The following LRP6 variants were observed in gnomAD, a reference collection of about 807,000 sequenced individuals.
The protein encoded by LRP6 is LDL receptor related protein 6, also known as low-density lipoprotein receptor-related protein 6.
In LRP6, 43 loss-of-function variants were observed where a neutral mutation model predicts 184.1. That is an observed-to-expected ratio of 0.23 (90% confidence interval 0.18 to 0.30). The LOEUF (loss-of-function observed/expected upper bound fraction) is 0.30, where lower values mean the gene tolerates loss of function less well. Among genes scored for constraint, LRP6 ranks in the 10% least tolerant of loss-of-function variants. The pLI is 1.00. For missense variants in LRP6, 1,571 were observed against 2,005.3 expected (o/e 0.78, Z 4.14); for synonymous variants, 719 against 684.9 (o/e 1.05, Z -0.78).
intron 10 of LRP6, among the ~76,000 whole-genome samples, chr12:12,160,608 G>A (rs1268059031): frequency 6.6e-6 from 1 of 152,172 alleles, no homozygotes; most frequent in Non-Finnish European, 1.5e-5. Context: ...AACAATCTCT[G>A]TGAAATTTTA....
At chr12:12,178,639 T>G (rs1271912851) in intron 7 of LRP6, among the ~76,000 whole-genome samples, 4 of 152,178 alleles carry the variant, frequency 2.6e-5, no homozygotes, top group African/African-American at 9.7e-5. Flanking sequence ...ATAACCTTTG[T>G]CTCATCAGCA....
chr12:12,203,621 T>G (rs1863973349), intron 2 of LRP6, among the ~76,000 whole-genome samples: 1 of 151,982 alleles, frequency 6.6e-6, no homozygotes, highest in Non-Finnish European at 1.5e-5. Flanking sequence ...AAAAATTAGC[T>G]GGGCATGGTG....
chr12:12,266,871 G>A lies in LRP6; in HGVS notation c.-136C>T. The A allele has an allele frequency of 1.3e-6, 1 of 797,482 alleles. No individual in the cohort carries two copies. Among genetic ancestry groups the A allele is most frequent in the Non-Finnish European group, 2.1e-6 (1 of 467,728 alleles). 49.4% of individuals were successfully genotyped at this position (797,482 alleles called of 1,614,324 possible). The stretch of plus-strand genomic sequence containing the variant: ...GCTTCCCAGCGAGAGAAGAAAGAAA[G>A]GGGCACGTCAAGGTTCCGCGCGCGC... On this transcript the variant is annotated 5_prime_UTR_variant, in exon 1 of 23. Coordinates refer to ENST00000261349, the MANE Select transcript of LRP6 (RefSeq NM_002336.3).
chr12:12,186,298 G>A (rs541491588), intron 4 of LRP6, among the ~76,000 whole-genome samples: 17 of 152,158 alleles, frequency 1.1e-4, no homozygotes, highest in Non-Finnish European at 2.2e-4. Context: ...CTCTAAAAGC[G>A]CTGACTCAAA....
chr12:12,221,001 C>A (rs1864472096), intron 2 of LRP6, among the ~76,000 whole-genome samples: 1 of 152,196 alleles, frequency 6.6e-6, no homozygotes, highest in Admixed American at 6.5e-5. Context: ...TATCTTACAA[C>A]TCCCTACCTT....
At chr12:12,154,718 C>G (rs894480469) in intron 12 of LRP6, among the ~76,000 whole-genome samples, 18 of 151,856 alleles carry the variant, frequency 1.2e-4, no homozygotes, top group African/African-American at 4.4e-4. Flanking sequence ...GGGAAAAAAG[C>G]CAGAAAGAAG....
chr12:12,184,881 G>GA (rs1303912941), intron 4 of LRP6, among the ~76,000 whole-genome samples: 2 of 151,914 alleles, frequency 1.3e-5, no homozygotes, highest in Non-Finnish European at 2.9e-5. Context: ...AATACTCATA[G>GA]AAAAAAATCA....
At chr12:12,262,324 A>C (rs144716119) in intron 1 of LRP6, among the ~76,000 whole-genome samples, 2,210 of 152,292 alleles carry the variant, frequency 0.015, 14 homozygotes, top group Non-Finnish European at 0.017. Flanking sequence ...GGTTGCAGTG[A>C]GCTGAGATCA....
At chr12:12,235,742 GAAAAAGA>G (rs970958166) in intron 2 of LRP6, among the ~76,000 whole-genome samples, 6 of 150,218 alleles carry the variant, frequency 4.0e-5, no homozygotes, top group Non-Finnish European at 7.4e-5. Flanking sequence ...AAAAAAAAAA[GAAAAAGA>G]AAAAAGAAAA....
intron 2 of LRP6, among the ~76,000 whole-genome samples, chr12:12,220,536 T>A (rs1864459697): frequency 6.6e-6 from 1 of 152,102 alleles, no homozygotes; most frequent in Admixed American, 6.6e-5. Flanking sequence ...CAAAGCCATT[T>A]ATGATTAAAG....
intron 7 of LRP6, among the ~76,000 whole-genome samples, chr12:12,178,981 G>A (rs899974737): frequency 6.6e-6 from 1 of 152,144 alleles, no homozygotes; most frequent in African/African-American, 2.4e-5. Context: ...TCTCTCTGAA[G>A]AGCCATTTAA....
intron 10 of LRP6, among the ~76,000 whole-genome samples, chr12:12,161,846 C>T (rs1372336749): frequency 6.6e-6 from 1 of 151,860 alleles, no homozygotes. Flanking sequence ...GGGTTTACTT[C>T]AATAGGCTTG....
At chr12:12,169,780 C>T (rs140390344) in intron 7 of LRP6, among the ~76,000 whole-genome samples, 12 of 152,226 alleles carry the variant, frequency 7.9e-5, no homozygotes, top group South Asian at 2.1e-4. Context: ...TTGGTAATGA[C>T]GTAAATACAA....
chr12:12,135,069 A>T, intron 17 of LRP6, 106 bp downstream of exon 17: 5 of 1,514,050 alleles, frequency 3.3e-6, no homozygotes, highest in Non-Finnish European at 4.6e-6. Context: ...GCAACCAATT[A>T]AGTTAGTAGA....
intron 2 of LRP6, among the ~76,000 whole-genome samples, chr12:12,242,717 T>C (rs1865097303): frequency 6.6e-6 from 1 of 152,250 alleles, no homozygotes; most frequent in South Asian, 2.1e-4. Flanking sequence ...TCCTGGTGCT[T>C]TAAGAGCACC....
intron 17 of LRP6, among the ~76,000 whole-genome samples, chr12:12,134,782 C>A (rs530715034): frequency 6.6e-6 from 1 of 152,216 alleles, no homozygotes; most frequent in African/African-American, 2.4e-5. Context: ...GAAGCATACT[C>A]ATTCACAGGC....
rs1439191943 is a variant in LRP6, at chr12:12,135,320, G to A, written c.3608-20C>T. 6.2e-7 allele frequency: 1 copy of A among 1,604,100 alleles called. No homozygotes were observed. Among genetic ancestry groups the A allele is most frequent in the African/African-American group, 1.3e-5 (1 of 74,722 alleles). ...GCTGTCCTGCAAAGAGAAGAGGTGA[G>A]GATGGGGAGAGGAGGGGGAGTGGAG... On this transcript the variant is annotated intron_variant, in intron 16 of 22. Transcript: ENST00000261349.
At chr12:12,158,805 G>T in intron 12 of LRP6, 24 bp downstream of exon 12, 1 of 1,607,374 alleles carries the variant, frequency 6.2e-7, no homozygotes, top group Non-Finnish European at 8.5e-7. Flanking sequence ...ATTCTAGCTT[G>T]CTTTGGAGGG....
chr12:12,158,792 C>T, intron 12 of LRP6, 37 bp downstream of exon 12: 2 of 1,597,836 alleles, frequency 1.3e-6, no homozygotes, highest in Non-Finnish European at 1.7e-6. Context: ...GCTGCTTTCT[C>T]TCATTCTAGC....
Sources: gnomAD v4.1 joint callset for allele counts (sites outside exome capture counted in the v4.1 genomes callset) on GRCh38, gnomAD v4.1.1 for gene constraint, MANE v1.5 for transcripts, NCBI Gene and HGNC (gene_info 2026-07-23, HGNC 2026-07-21) for gene names.